NPEPL1: variants seen among roughly 807,000 people sequenced by gnomAD.
The protein encoded by NPEPL1 is aminopeptidase like 1.
Under a neutral mutation model 52.4 loss-of-function variants are expected in NPEPL1, and 45 were observed. The observed-to-expected ratio is 0.86, with a 90% confidence interval of 0.68 to 1.10. NPEPL1 has a LOEUF of 1.10. Ranked by LOEUF, NPEPL1 falls within the 50% of genes least tolerant of loss-of-function variation. The pLI, the probability that NPEPL1 is intolerant of heterozygous loss-of-function variation, is 0.00. For missense variants in NPEPL1, 696 were observed against 710.9 expected, an observed-to-expected ratio of 0.98 and a Z score of 0.24; for synonymous variants, 360 against 314.7, an observed-to-expected ratio of 1.14 and a Z score of -1.52.
chr20:58,700,471 A>G (rs2084592096), intron 5 of NPEPL1, among the ~76,000 whole-genome samples: 1 of 152,240 alleles, frequency 6.6e-6, no homozygotes, highest in Non-Finnish European at 1.5e-5. Flanking sequence ...AGCCATGATT[A>G]GCTCTCGTCA....
intron 1 of NPEPL1, 160 bp downstream of exon 1, chr20:58,693,210 T>C: frequency 2.5e-6 from 1 of 406,564 alleles, no homozygotes; most frequent in Non-Finnish European, 3.3e-6. Context: ...AGGCCAGTCC[T>C]CGCCCGCGGA....
At position 58,707,097 on chromosome 20, in the gene NPEPL1, T is replaced by G. The variant is rs936112335; in HGVS notation, c.823-26T>G. On this transcript the variant is annotated intron_variant, in intron 6 of 11. Transcript: ENST00000356091. ...GCCTGGACCTCACAGCTCACCTTTGTCCTGGTCCCTTTGTACCACCCGCAG... is the reference window on the plus strand; with the variant it reads ...GCCTGGACCTCACAGCTCACCTTTGGCCTGGTCCCTTTGTACCACCCGCAG... 6.5e-6 allele frequency: 10 copies of G among 1,549,694 alleles called. No individual in the cohort carries two copies. The Admixed American group carries it at 7.8e-5, about 12-fold the overall frequency.
intron 3 of NPEPL1, among the ~76,000 whole-genome samples, chr20:58,697,148 C>T (rs1036396336): frequency 6.6e-6 from 1 of 152,216 alleles, no homozygotes; most frequent in African/African-American, 2.4e-5. Flanking sequence ...GAGTCTTGCA[C>T]GATGCCTGGC....
chr20:58,699,770 A>G (rs1005240308), intron 5 of NPEPL1, among the ~76,000 whole-genome samples: 2 of 152,228 alleles, frequency 1.3e-5, no homozygotes, highest in Non-Finnish European at 2.9e-5. Context: ...CCCACTGCCC[A>G]GGAACCAGAG....
chr20:58,696,420 G>T (rs972343500), intron 3 of NPEPL1, among the ~76,000 whole-genome samples: 1 of 152,216 alleles, frequency 6.6e-6, no homozygotes, highest in African/African-American at 2.4e-5. Flanking sequence ...TCCTCACTGG[G>T]TTGGGAGTCC....
chr20:58,705,072 A>G (rs2084711731), intron 6 of NPEPL1, among the ~76,000 whole-genome samples: 1 of 152,234 alleles, frequency 6.6e-6, no homozygotes, highest in African/African-American at 2.4e-5. Flanking sequence ...CATTATGAGG[A>G]AGTTGTCATG....
At chr20:58,711,976 C>G (rs979740328) in intron 7 of NPEPL1, among the ~76,000 whole-genome samples, 9 of 152,242 alleles carry the variant, frequency 5.9e-5, no homozygotes, top group African/African-American at 2.2e-4. Flanking sequence ...CCCTTAGAAC[C>G]TGTGCAGGGC....
chr20:58,692,864 CGGGCCGGGCAGGGCCGGGGCGT>C lies in NPEPL1; in HGVS notation c.-29_-8del, dbSNP rs1199923130. On this transcript the variant is annotated 5_prime_UTR_variant, in exon 1 of 12. Transcript: ENST00000356091. This position sits in a 1 kb window ranked among gnomAD's most constrained non-coding sequence, Gnocchi z 5.7. ...AAGGGGGCCGAGCGGCGGGCCGGGC[CGGGCCGGGCAGGGCCGGGGCGT>C]GGGCCGGCAGGAAGATGGCGAACGT... 5.0e-6 allele frequency: 5 copies of C among 999,900 alleles called. No homozygotes were observed. In the African/African-American group the frequency reaches 5.3e-5, roughly 11 times the overall value. 61.9% of individuals were successfully genotyped at this position (999,900 alleles called of 1,614,324 possible).
intron 7 of NPEPL1, 135 bp from the exon 8 acceptor site, chr20:58,712,344 C>T (rs2084866497): frequency 1.9e-5 from 12 of 635,850 alleles, no homozygotes; most frequent in South Asian, 5.4e-5. Context: ...GCAGGGAGGG[C>T]GAGCTTTGGT....
In NPEPL1 at chr20:58,713,789, T is replaced by C; in HGVS notation, c.1126-128T>C. On this transcript the variant is annotated intron_variant, in intron 9 of 11. Transcript: ENST00000356091. The surrounding 1 kb of genome is among the most constrained non-coding windows in gnomAD (Gnocchi z 4.6). Reference sequence around the variant, plus strand: ...CATGGTCCTTTCTGCCTGTGTTTTTTCTTTTTTTCTCAACCGTCTCTTTTC... The same window carrying C: ...CATGGTCCTTTCTGCCTGTGTTTTTCCTTTTTTTCTCAACCGTCTCTTTTC... 1 of 1,185,748 alleles carries C rather than the reference T, an allele frequency of 8.4e-7. No individual in the cohort carries two copies. Among genetic ancestry groups the C allele is most frequent in the Non-Finnish European group, 1.1e-6 (1 of 891,444 alleles). The allele number at this position is 1,185,748 out of a possible 1,614,324, so 73.5% of individuals were successfully genotyped here.
At chr20:58,700,238 T>A (rs375460728) in intron 5 of NPEPL1, among the ~76,000 whole-genome samples, 4 of 152,192 alleles carry the variant, frequency 2.6e-5, no homozygotes, top group East Asian at 3.8e-4. Context: ...TACCTTTTTC[T>A]TTTGGTTAGA....
upstream of NPEPL1, chr20:58,692,755 G>C (rs191520378): frequency 0.014 from 13,212 of 946,434 alleles, 150 homozygotes; most frequent in Admixed American, 0.058. This position sits in a 1 kb window ranked among gnomAD's most constrained non-coding sequence, Gnocchi z 5.7. Context: ...CGTCTCGCGA[G>C]CAGCCCGGAG....
intron 3 of NPEPL1, among the ~76,000 whole-genome samples, chr20:58,697,819 G>A (rs1259118161): frequency 2.6e-5 from 4 of 152,234 alleles, no homozygotes; most frequent in Non-Finnish European, 5.9e-5. Context: ...GGCAAAGAAT[G>A]GCCCAAGCCA....
rs185286155 is a variant in NPEPL1, at chr20:58,695,757, G to A, written c.507+1165G>A. Among the ~76,000 whole-genome samples, 10 of 151,900 alleles carry A rather than the reference G, an allele frequency of 6.6e-5. No individual in the cohort carries two copies. In the East Asian group the frequency reaches 1.5e-3, roughly 23 times the overall value. ...GAGATAGCTCCCCTTTTTTCCCTTC[G>A]TCTCTGAGCTTTTAAAAAAGTCTAA... On this transcript the variant is annotated intron_variant, in intron 3 of 11. Transcript: ENST00000356091.
chr20:58,700,937 C>T lies in NPEPL1; in HGVS notation c.680-79C>T, dbSNP rs566926434. The T allele has an allele frequency of 3.0e-6, 4 of 1,333,640 alleles. No homozygotes were observed. The South Asian group carries it at 7.6e-5, about 25-fold the overall frequency. The allele number at this position is 1,333,640 out of a possible 1,614,324, so 82.6% of individuals were successfully genotyped here. A position where few individuals can be genotyped will look rare whatever the true frequency, so the allele number is the denominator to read the frequency against. On this transcript the variant is annotated intron_variant, in intron 5 of 11. Coordinates refer to ENST00000356091, the MANE Select transcript of NPEPL1 (RefSeq NM_024663.4). ...CTCTCCAGGAGAAACACCAGCCGGC[C>T]AGAGTTTCCAGGGGCCTCTGGGAGT...
At chr20:58,690,514 G>C (rs1473552144), upstream of NPEPL1, among the ~76,000 whole-genome samples, 5 of 152,202 alleles carry the variant, frequency 3.3e-5, no homozygotes, top group African/African-American at 1.2e-4. Flanking sequence ...GAATGTATTT[G>C]TATCTGTCAC....
intron 11 of NPEPL1, 155 bp downstream of exon 11, chr20:58,714,825 C>A: frequency 1.5e-6 from 1 of 655,994 alleles, no homozygotes; most frequent in Non-Finnish European, 2.6e-6. Context: ...AGGTCTCATC[C>A]TCCCTGGGAA....
chr20:58,706,700 C>CT (rs2123127839), intron 6 of NPEPL1, among the ~76,000 whole-genome samples: 2 of 152,264 alleles, frequency 1.3e-5, no homozygotes, highest in Admixed American at 1.3e-4. Flanking sequence ...GAGAGTGGCC[C>CT]TGCAGACAGA....
At chr20:58,702,079 A>C (rs2084638200) in intron 6 of NPEPL1, among the ~76,000 whole-genome samples, 2 of 152,252 alleles carry the variant, frequency 1.3e-5, no homozygotes, top group Admixed American at 6.5e-5. Flanking sequence ...TGGAAGGAGC[A>C]GGGAGTGCAT....
Sources: gnomAD v4.1 joint callset for allele counts (sites outside exome capture counted in the v4.1 genomes callset) on GRCh38, gnomAD v4.1.1 for gene constraint, Gnocchi (gnomAD v3.1) non-coding constraint, MANE v1.5 for transcripts, NCBI Gene and HGNC (gene_info 2026-07-23, HGNC 2026-07-21) for gene names.